Variants in DMD observed in about 807,000 individuals in gnomAD.
DMD encodes the protein mutant dystrophin.
DMD carries 63 observed loss-of-function variants against 330.1 expected under a neutral mutation model. The observed-to-expected ratio is 0.19, with a 90% confidence interval of 0.16 to 0.24. The LOEUF (loss-of-function observed/expected upper bound fraction) is 0.24. Among genes scored for constraint, DMD ranks in the 10% least tolerant of loss-of-function variants. DMD has a pLI of 1.00. For synonymous variants in DMD, 1,223 were observed against 959.8 expected, an observed-to-expected ratio of 1.27 and a Z score of -5.07; for missense variants, 3,344 against 2,684.1, an observed-to-expected ratio of 1.25 and a Z score of -5.43.
chrX:31,889,647 T>TCACACACA lies in DMD; in HGVS notation c.6913-14282_6913-14275dup, dbSNP rs773894352. ...CTCTCTCTCTCTCTCTCTCTCTCTC[T>TCACACACA]CACACACACACACACACACACACAC... On this transcript the variant is annotated intron_variant, in intron 47 of 78. Coordinates refer to ENST00000357033, the MANE Select transcript of DMD (RefSeq NM_004006.3). 9.4e-3 allele frequency among the ~76,000 whole-genome samples: 676 copies of TCACACACA among 71,565 alleles called. 8 individuals are homozygous for TCACACACA. Among genetic ancestry groups the TCACACACA allele is most frequent in the African/African-American group, 0.034 (608 of 17,780 alleles). The allele number at this position is 71,565 out of a possible 115,157, so 62.1% of individuals were successfully genotyped here. A position where few individuals can be genotyped will look rare whatever the true frequency, so the allele number is the denominator to read the frequency against.
chrX:31,275,542 T>C (rs1044690348), intron 62 of DMD, among the ~76,000 whole-genome samples: 2 of 111,403 alleles, frequency 1.8e-5, no homozygotes, highest in African/African-American at 6.5e-5. Context: ...GGAAGCCTCT[T>C]TGCATATGAT....
At chrX:31,418,811 A>G (rs1291703676) in intron 60 of DMD, among the ~76,000 whole-genome samples, 1 of 112,297 alleles carries the variant, frequency 8.9e-6, no homozygotes, top group Admixed American at 9.4e-5. Context: ...CTCTGTGCAC[A>G]TTTTCATGCA....
At chrX:31,134,797 A>C (rs983076361) in intron 76 of DMD, among the ~76,000 whole-genome samples, 1 of 112,533 alleles carries the variant, frequency 8.9e-6, no homozygotes. Context: ...ACATGAGATA[A>C]TGAATACTCT....
At chrX:32,494,396 G>C (rs973126095) in intron 19 of DMD, among the ~76,000 whole-genome samples, 1 of 111,240 alleles carries the variant, frequency 9.0e-6, no homozygotes. Context: ...ATAGCAAAAA[G>C]GGGGAGGCAG....
intron 66 of DMD, among the ~76,000 whole-genome samples, chrX:31,204,974 T>C (rs967503059): frequency 8.9e-6 from 1 of 111,841 alleles, no homozygotes; most frequent in Admixed American, 9.5e-5. Flanking sequence ...TGATTCAATA[T>C]GTGTCTATCG....
At chrX:32,111,285 C>T (rs1030741425) in intron 44 of DMD, among the ~76,000 whole-genome samples, 1 of 111,991 alleles carries the variant, frequency 8.9e-6, no homozygotes, top group Non-Finnish European at 1.9e-5. Context: ...CCATTCTTTT[C>T]GTTTCTCCGT....
chrX:32,493,848 G>A (rs1243621781), intron 19 of DMD, among the ~76,000 whole-genome samples: 2 of 111,310 alleles, frequency 1.8e-5, no homozygotes, highest in African/African-American at 3.3e-5. Flanking sequence ...ACTTGAACAA[G>A]CAGTTAGAAG....
At chrX:31,143,164 T>C (rs779303123) in intron 76 of DMD, among the ~76,000 whole-genome samples, 1 of 111,555 alleles carries the variant, frequency 9.0e-6, no homozygotes, top group African/African-American at 3.3e-5. Flanking sequence ...CAGTTCGATA[T>C]GGTTTGGTTC....
chrX:33,111,466 G>T (rs1373268857), intron 1 of DMD, among the ~76,000 whole-genome samples: 1 of 111,992 alleles, frequency 8.9e-6, no homozygotes, highest in Non-Finnish European at 1.9e-5. Flanking sequence ...AATAATCTGT[G>T]ATTGAATTTT....
intron 2 of DMD, among the ~76,000 whole-genome samples, chrX:32,928,094 A>G (rs1300145626): frequency 9.0e-6 from 1 of 111,257 alleles, no homozygotes; most frequent in African/African-American, 3.3e-5. Context: ...AAATATTTTT[A>G]TATTTCATAT....
intron 51 of DMD, among the ~76,000 whole-genome samples, chrX:31,729,953 T>A (rs991623678): frequency 8.9e-6 from 1 of 112,198 alleles, no homozygotes; most frequent in Non-Finnish European, 1.9e-5. Context: ...ATGAAAATCT[T>A]GACTATAGAT....
At chrX:31,636,875 G>T (rs1311157144) in intron 54 of DMD, among the ~76,000 whole-genome samples, 1 of 111,136 alleles carries the variant, frequency 9.0e-6, no homozygotes, top group Non-Finnish European at 1.9e-5. Context: ...TAGAAAGAAG[G>T]CATTACAGGC....
chrX:32,173,103 GTGTA>G (rs1288744945), intron 44 of DMD, among the ~76,000 whole-genome samples: 22 of 107,087 alleles, frequency 2.1e-4, no homozygotes, highest in Admixed American at 3.0e-4. Context: ...GTGTGTGTGT[GTGTA>G]TGTGTGTACT....
chrX:32,653,597 C>A (rs749790473), intron 9 of DMD, among the ~76,000 whole-genome samples: 1 of 111,813 alleles, frequency 8.9e-6, no homozygotes, highest in Admixed American at 9.5e-5. Flanking sequence ...AGTGTGATAC[C>A]TCCAGCTTTG....
At chrX:32,841,723 T>C (rs934300400) in intron 4 of DMD, among the ~76,000 whole-genome samples, 1 of 111,938 alleles carries the variant, frequency 8.9e-6, no homozygotes, top group Non-Finnish European at 1.9e-5. Flanking sequence ...AAAAACAAAA[T>C]GGTAAAACGA....
At chrX:32,436,487 A>C (rs1315136592) in intron 29 of DMD, among the ~76,000 whole-genome samples, 1 of 111,490 alleles carries the variant, frequency 9.0e-6, no homozygotes, top group African/African-American at 3.3e-5. Context: ...GAAATGAATT[A>C]TTTTTTCTTT....
At chrX:32,070,228 C>T (rs2096286495) in intron 44 of DMD, among the ~76,000 whole-genome samples, 1 of 111,294 alleles carries the variant, frequency 9.0e-6, no homozygotes, top group Non-Finnish European at 1.9e-5. Context: ...GAAGGTGAAC[C>T]ATGCAGTTCA....
chrX:32,857,006 C>T (rs1028602032), intron 2 of DMD, among the ~76,000 whole-genome samples: 2 of 108,387 alleles, frequency 1.8e-5, no homozygotes, highest in Admixed American at 9.9e-5. Flanking sequence ...ACCCGGGAGG[C>T]GGAGCTTGCA....
intron 1 of DMD, among the ~76,000 whole-genome samples, chrX:33,036,778 T>C (rs993488657): frequency 6.6e-5 from 7 of 105,692 alleles, no homozygotes; most frequent in African/African-American, 2.4e-4. Context: ...TATGTCTGTG[T>C]ATGTCTATCT....
Sources: gnomAD v4.1 joint callset for allele counts (sites outside exome capture counted in the v4.1 genomes callset) on GRCh38, gnomAD v4.1.1 for gene constraint, MANE v1.5 for transcripts, NCBI Gene and HGNC (gene_info 2026-07-23, HGNC 2026-07-21) for gene names.